SLC25A21: variants seen among roughly 807,000 people sequenced by gnomAD.
SLC25A21 encodes the protein mitochondrial 2-oxodicarboxylate carrier.
Under a neutral mutation model 43.8 loss-of-function variants are expected in SLC25A21, and 47 were observed. The ratio of observed to expected loss-of-function variants is 1.07; its 90% CI spans 0.85 to 1.37. SLC25A21 has a LOEUF of 1.37. SLC25A21 is among the 40% of genes most tolerant of loss of function. The pLI is 0.00. For missense variants in SLC25A21, 352 were observed against 350.2 expected, an observed-to-expected ratio of 1.00 and a Z score of -0.04; for synonymous variants, 131 against 121.3, an observed-to-expected ratio of 1.08 and a Z score of -0.52.
intron 1 of SLC25A21, among the ~76,000 whole-genome samples, chr14:37,010,717 T>C (rs538800748): frequency 6.6e-6 from 1 of 152,186 alleles, no homozygotes; most frequent in Non-Finnish European, 1.5e-5. Context: ...TTTGAATGCA[T>C]ATAAATCCTA....
chr14:36,697,174 A>T (rs924266249), intron 7 of SLC25A21, among the ~76,000 whole-genome samples: 10 of 152,182 alleles, frequency 6.6e-5, no homozygotes, highest in African/African-American at 2.4e-4. Flanking sequence ...TTTACCTAGT[A>T]GTCACTCAGG....
At chr14:36,809,766 A>C (rs141366001) in intron 3 of SLC25A21, among the ~76,000 whole-genome samples, 9 of 152,340 alleles carry the variant, frequency 5.9e-5, no homozygotes, top group Non-Finnish European at 1.3e-4. Flanking sequence ...CTTAGAGGAG[A>C]TAGGAAAAAC....
intron 3 of SLC25A21, among the ~76,000 whole-genome samples, chr14:36,785,708 T>C (rs574863264): frequency 3.3e-5 from 5 of 152,320 alleles, no homozygotes; most frequent in African/African-American, 1.2e-4. Context: ...AAGCATTCTT[T>C]TGATGAAAGC....
chr14:36,737,851 A>C (rs1489664724), intron 3 of SLC25A21, among the ~76,000 whole-genome samples: 2 of 152,168 alleles, frequency 1.3e-5, no homozygotes, highest in Non-Finnish European at 2.9e-5. Context: ...CAAGAAGGAG[A>C]AGCTCTGTTT....
intron 2 of SLC25A21, 121 bp from the exon 3 acceptor site, chr14:36,814,122 G>T: frequency 1.6e-6 from 1 of 610,238 alleles, no homozygotes; most frequent in Non-Finnish European, 2.8e-6. Context: ...GCTTTGGTAT[G>T]GATTTTATTC....
intron 1 of SLC25A21, among the ~76,000 whole-genome samples, chr14:37,099,541 T>C (rs1170558933): frequency 6.6e-6 from 1 of 152,182 alleles, no homozygotes; most frequent in Non-Finnish European, 1.5e-5. Flanking sequence ...GATAGTTCCT[T>C]ATCCTTATTA....
chr14:36,753,180 T>C (rs1267696806), intron 3 of SLC25A21, among the ~76,000 whole-genome samples: 1 of 152,166 alleles, frequency 6.6e-6, no homozygotes, highest in Admixed American at 6.5e-5. Flanking sequence ...AATTATTGAA[T>C]GCCACTGAAG....
In SLC25A21 at chr14:37,172,571, G is replaced by T; in HGVS notation, c.-221C>A. ...AACCTGTTCGCAGCGCTCTCGCAGA[G>T]GCGCCCTCGGCTCCGAAAATGTCTC... On this transcript the variant is annotated 5_prime_UTR_variant, in exon 1 of 10. Coordinates refer to ENST00000331299, the MANE Select transcript of SLC25A21 (RefSeq NM_030631.4). 1.4e-6 allele frequency: 1 copy of T among 701,994 alleles called. No individual in the cohort carries two copies. The highest frequency in any genetic ancestry group is 2.7e-5 in the East Asian group (1 of 37,034). The allele number at this position is 701,994 out of a possible 1,614,324, so 43.5% of individuals were successfully genotyped here. A position where few individuals can be genotyped will look rare whatever the true frequency, so the allele number is the denominator to read the frequency against.
intron 1 of SLC25A21, among the ~76,000 whole-genome samples, chr14:36,923,257 C>A (rs1892030790): frequency 6.6e-6 from 1 of 152,108 alleles, no homozygotes; most frequent in South Asian, 2.1e-4. Flanking sequence ...ACAGTGACAG[C>A]ACAATTCTTA....
At chr14:36,714,314 C>A (rs1162680505) in intron 6 of SLC25A21, among the ~76,000 whole-genome samples, 1 of 152,188 alleles carries the variant, frequency 6.6e-6, no homozygotes, top group African/African-American at 2.4e-5. Flanking sequence ...GAGTCCCAGA[C>A]CTTTGTGATA....
At chr14:36,995,314 A>C (rs1960348253) in intron 1 of SLC25A21, among the ~76,000 whole-genome samples, 2 of 152,226 alleles carry the variant, frequency 1.3e-5, no homozygotes, top group African/African-American at 4.8e-5. Flanking sequence ...CATTTTGTGC[A>C]ATTTTAATAT....
At chr14:37,039,716 T>C (rs1176993448) in intron 1 of SLC25A21, among the ~76,000 whole-genome samples, 3 of 152,302 alleles carry the variant, frequency 2.0e-5, no homozygotes, top group African/African-American at 7.2e-5. Context: ...CTAAAGGCTA[T>C]GTGCCAGCCC....
intron 1 of SLC25A21, among the ~76,000 whole-genome samples, chr14:36,887,830 C>T (rs1890965128): frequency 6.6e-6 from 1 of 152,118 alleles, no homozygotes; most frequent in African/African-American, 2.4e-5. Flanking sequence ...CTCACAACTT[C>T]TATGGAATTA....
chr14:36,905,512 G>A (rs924989283), intron 1 of SLC25A21, among the ~76,000 whole-genome samples: 1 of 152,280 alleles, frequency 6.6e-6, no homozygotes, highest in Admixed American at 6.5e-5. Flanking sequence ...TGTTGAGGCT[G>A]ATCTAACAGC....
At chr14:36,991,074 T>C (rs916094234) in intron 1 of SLC25A21, among the ~76,000 whole-genome samples, 3 of 152,228 alleles carry the variant, frequency 2.0e-5, no homozygotes, top group African/African-American at 4.8e-5. Context: ...TTCTGAATCC[T>C]GTTTTATGTT....
intron 1 of SLC25A21, among the ~76,000 whole-genome samples, chr14:37,017,565 C>G (rs945418664): frequency 6.6e-6 from 1 of 151,930 alleles, no homozygotes; most frequent in Admixed American, 6.6e-5. Flanking sequence ...AGTGAGCACA[C>G]GCTGCTGGGA....
intron 3 of SLC25A21, among the ~76,000 whole-genome samples, chr14:36,760,187 C>A (rs911238402): frequency 5.3e-5 from 8 of 152,112 alleles, no homozygotes; most frequent in Non-Finnish European, 1.0e-4. Flanking sequence ...GCAGGAACTG[C>A]CTCCCTTGTG....
intron 1 of SLC25A21, among the ~76,000 whole-genome samples, chr14:37,028,781 A>G (rs750731755): frequency 6.6e-6 from 1 of 152,214 alleles, no homozygotes. Context: ...AATGAAAGAG[A>G]GTGACAGAGA....
At chr14:36,802,914 A>T (rs1410110509) in intron 3 of SLC25A21, among the ~76,000 whole-genome samples, 1 of 152,218 alleles carries the variant, frequency 6.6e-6, no homozygotes, top group Non-Finnish European at 1.5e-5. Flanking sequence ...ACCAGAGGGT[A>T]AAAATTTTTC....
Sources: allele counts gnomAD v4.1 joint callset (sites outside exome capture counted in the v4.1 genomes callset), GRCh38; gene constraint gnomAD v4.1.1; transcripts MANE v1.5; gene names NCBI Gene and HGNC (gene_info 2026-07-23, HGNC 2026-07-21).